The following PPTC7 variants were observed in gnomAD, a reference collection of about 807,000 sequenced individuals.
The protein encoded by PPTC7 is protein phosphatase targeting COQ7, also known as protein phosphatase PTC7 homolog.
Under a neutral mutation model 30.8 loss-of-function variants are expected in PPTC7, and 6 were observed. The ratio of observed to expected loss-of-function variants is 0.19; its 90% CI spans 0.11 to 0.38. The LOEUF is 0.38. Among genes scored for constraint, PPTC7 ranks in the 10% least tolerant of loss-of-function variants. The probability of loss-of-function intolerance (pLI) is 1.00; values close to 1 mark genes in which losing one functional copy is unlikely to be tolerated. For synonymous variants in PPTC7, 163 were observed against 168.1 expected, an observed-to-expected ratio of 0.97 and a Z score of 0.23; for missense variants, 218 against 404.8, an observed-to-expected ratio of 0.54 and a Z score of 3.96.
intron 1 of PPTC7, among the ~76,000 whole-genome samples, chr12:110,568,762 A>G (rs1471942262): frequency 3.3e-5 from 5 of 152,184 alleles, no homozygotes. Flanking sequence ...CAAAAACTCC[A>G]AAGGGATTGA....
intron 3 of PPTC7, among the ~76,000 whole-genome samples, chr12:110,540,363 C>T (rs2064249909): frequency 8.8e-6 from 1 of 113,634 alleles, no homozygotes; most frequent in African/African-American, 3.3e-5. Context: ...GCTCTGTTGT[C>T]GAGGCTGGAA....
chr12:110,544,678 ACAAAAATTAGCCAGG>A lies in PPTC7; in HGVS notation c.602+1187_602+1201del, dbSNP rs1242329948. On this transcript the variant is annotated intron_variant, in intron 3 of 5. Transcript: ENST00000354300. ...GTGAAACCCTGTCTCTACTAAAAAT[ACAAAAATTAGCCAGG>A]CATGGTGGCGGGCACCTGTAATCCC... Among the ~76,000 whole-genome samples the A allele has an allele frequency of 3.3e-5, 5 of 152,292 alleles. No individual in the cohort carries two copies. In the East Asian group the frequency reaches 9.7e-4, roughly 29 times the overall value.
In PPTC7 at chr12:110,582,097, A is replaced by G. The variant is rs144059123; in HGVS notation, c.223+712T>C. On this transcript the variant is annotated intron_variant, in intron 1 of 5. Coordinates refer to ENST00000354300, the MANE Select transcript of PPTC7 (RefSeq NM_139283.2). ...CTCAGGGAGCACCTGTGGCCTGAAA[A>G]GGCTGTGACCAATCCTCAGAGCTTT... 3.9e-3 allele frequency among the ~76,000 whole-genome samples: 591 copies of G among 152,272 alleles called. 2 individuals are homozygous for G. The highest frequency in any genetic ancestry group is 0.014 in the African/African-American group (569 of 41,554).
intron 1 of PPTC7, among the ~76,000 whole-genome samples, chr12:110,574,236 T>G (rs547694441): frequency 2.8e-5 from 4 of 143,336 alleles, no homozygotes; most frequent in African/African-American, 1.0e-4. Context: ...ATACTAACTA[T>G]ACCACCCTTA....
intron 1 of PPTC7, among the ~76,000 whole-genome samples, chr12:110,582,385 G>A (rs557893299): frequency 6.6e-6 from 1 of 152,344 alleles, no homozygotes; most frequent in African/African-American, 2.4e-5. Flanking sequence ...GGGCCGGGCT[G>A]TGGTGTCGGG....
chr12:110,542,241 A>G (rs2064266941), intron 3 of PPTC7, among the ~76,000 whole-genome samples: 1 of 152,176 alleles, frequency 6.6e-6, no homozygotes, highest in Non-Finnish European at 1.5e-5. Flanking sequence ...AAAACTCTTC[A>G]ATATACTGTT....
At chr12:110,570,832 T>G (rs2064528664) in intron 1 of PPTC7, among the ~76,000 whole-genome samples, 1 of 151,500 alleles carries the variant, frequency 6.6e-6, no homozygotes, top group Non-Finnish European at 1.5e-5. Flanking sequence ...AGATAATCAA[T>G]AAATACTAAG....
chr12:110,577,246 G>C (rs1414272124), intron 1 of PPTC7, among the ~76,000 whole-genome samples: 1 of 144,216 alleles, frequency 6.9e-6, no homozygotes, highest in Admixed American at 7.1e-5. Context: ...CTGACTTTAA[G>C]AAAATTATGG....
At chr12:110,542,481 G>T (rs912651984) in intron 3 of PPTC7, among the ~76,000 whole-genome samples, 2 of 151,904 alleles carry the variant, frequency 1.3e-5, no homozygotes, top group African/African-American at 4.8e-5. Context: ...AGACCAGCCT[G>T]CCCAACATGG....
At chr12:110,551,670 C>T in intron 2 of PPTC7, 119 bp downstream of exon 2, 3 of 929,326 alleles carry the variant, frequency 3.2e-6, no homozygotes, top group Non-Finnish European at 5.0e-6. Flanking sequence ...TTCTCTATCA[C>T]ACTCTGCTTA....
At chr12:110,569,037 C>G (rs1002835497) in intron 1 of PPTC7, among the ~76,000 whole-genome samples, 11 of 145,356 alleles carry the variant, frequency 7.6e-5, no homozygotes, top group Non-Finnish European at 1.5e-4. Flanking sequence ...TCCCCGCCCC[C>G]CCCCCTCAAA....
intron 1 of PPTC7, among the ~76,000 whole-genome samples, chr12:110,576,116 TTTAC>T (rs1309543850): frequency 6.6e-6 from 1 of 152,124 alleles, no homozygotes; most frequent in Non-Finnish European, 1.5e-5. Context: ...AGATGGCTCT[TTTAC>T]TAAATCCACT....
intron 1 of PPTC7, among the ~76,000 whole-genome samples, chr12:110,578,440 G>A (rs1189623617): frequency 6.6e-6 from 1 of 152,130 alleles, no homozygotes; most frequent in African/African-American, 2.4e-5. Context: ...AATGATAGGA[G>A]TGGTTCCTAT....
In PPTC7 at chr12:110,569,037, C is replaced by A. The variant is rs1002835497; in HGVS notation, c.223+13772G>T. Among the ~76,000 whole-genome samples the A allele has an allele frequency of 4.1e-5, 6 of 145,356 alleles. No homozygotes were observed. The East Asian group carries it at 1.0e-3, about 24-fold the overall frequency. ...CACAGCAAGACCCTGTCCCCGCCCC[C>A]CCCCCTCAAAAAAAGCCAGGTGCAG... On this transcript the variant is annotated intron_variant, in intron 1 of 5. Transcript: ENST00000354300.
At position 110,583,130 on chromosome 12, in the gene PPTC7, TG is replaced by T; in HGVS notation, c.-100del. 1.1e-6 allele frequency: 1 copy of T among 950,556 alleles called. No individual in the cohort carries two copies. Among genetic ancestry groups the T allele is most frequent in the Non-Finnish European group, 1.4e-6 (1 of 731,250 alleles). The allele number at this position is 950,556 out of a possible 1,614,324, so 58.9% of individuals were successfully genotyped here. The stretch of plus-strand genomic sequence containing the variant: ...TCCTCAGCCGCAGTCGCGCCGCCGC[TG>T]GGGCGCTCCTCAGGGCGGCGCGCAG... On this transcript the variant is annotated 5_prime_UTR_variant, in exon 1 of 6. Coordinates refer to ENST00000354300, the MANE Select transcript of PPTC7 (RefSeq NM_139283.2).
At chr12:110,547,850 A>G (rs544413397) in intron 2 of PPTC7, among the ~76,000 whole-genome samples, 1 of 152,290 alleles carries the variant, frequency 6.6e-6, no homozygotes, top group South Asian at 2.1e-4. Context: ...CATGCCTGTA[A>G]TCCCAGCACT....
At chr12:110,561,306 C>CTT (rs368718066) in intron 1 of PPTC7, among the ~76,000 whole-genome samples, 2 of 149,734 alleles carry the variant, frequency 1.3e-5, no homozygotes, top group Non-Finnish European at 3.0e-5. Flanking sequence ...ATCAACATTT[C>CTT]TTTTTTTTTT....
intron 2 of PPTC7, chr12:110,546,873 A>G (rs535620490): frequency 3.9e-5 from 6 of 152,262 alleles, no homozygotes; most frequent in South Asian, 2.1e-4. Context: ...ATCTGTAAAT[A>G]TATGAAAAAA....
intron 1 of PPTC7, among the ~76,000 whole-genome samples, chr12:110,574,919 C>G (rs1017250574): frequency 6.6e-5 from 10 of 150,820 alleles, no homozygotes; most frequent in African/African-American, 2.4e-4. Context: ...GCTAGGATTA[C>G]AGGCACTCGC....
Sources: allele counts gnomAD v4.1 joint callset (sites outside exome capture counted in the v4.1 genomes callset), GRCh38; gene constraint gnomAD v4.1.1; transcripts MANE v1.5; gene names NCBI Gene and HGNC (gene_info 2026-07-23, HGNC 2026-07-21).